Variants in PCSK5 observed in about 807,000 individuals in gnomAD.
PCSK5 encodes prohormone convertase 5.
In PCSK5, 129 loss-of-function variants were observed where a neutral mutation model predicts 233.2. That is an observed-to-expected ratio of 0.55 (90% CI 0.48 to 0.64). The LOEUF (loss-of-function observed/expected upper bound fraction) is 0.64, where lower values mean the gene tolerates loss of function less well. Ranked by LOEUF, PCSK5 falls within the 30% of genes least tolerant of loss-of-function variation. The pLI is 0.00. For synonymous variants in PCSK5, 825 were observed against 879.2 expected (o/e 0.94, Z 1.09); for missense variants, 2,076 against 2,430.1 (o/e 0.85, Z 3.06).
At chr9:76,129,252 C>CT (rs1486720857) in intron 9 of PCSK5, among the ~76,000 whole-genome samples, 7 of 113,434 alleles carry the variant, frequency 6.2e-5, no homozygotes, top group African/African-American at 2.1e-4. Flanking sequence ...TTTACATAAT[C>CT]TTTAAAAAAA....
At chr9:75,892,258 G>T (rs1378626722) in intron 1 of PCSK5, among the ~76,000 whole-genome samples, 3 of 152,226 alleles carry the variant, frequency 2.0e-5, no homozygotes, top group African/African-American at 7.2e-5. Flanking sequence ...CTAAGGTGAT[G>T]CTATGAGGAT....
intron 6 of PCSK5, among the ~76,000 whole-genome samples, chr9:76,068,605 C>T (rs931377074): frequency 3.3e-5 from 5 of 152,058 alleles, no homozygotes; most frequent in African/African-American, 7.2e-5. Context: ...GGCATGTATA[C>T]GTAAAAACTC....
Position 76,052,740 on chromosome 9 carries a change from G to A in PCSK5, c.633-15215G>A, listed in dbSNP as rs533233039. ...TCCTTCAAAGTCTTAACTCATTTCA[G>A]CATTAACTCAGAAGTTCACAGTTCA... On this transcript the variant is annotated intron_variant, in intron 5 of 37. Coordinates refer to ENST00000674117, the MANE Select transcript of PCSK5 (RefSeq NM_001372043.1). 6.1e-4 allele frequency among the ~76,000 whole-genome samples: 93 copies of A among 152,212 alleles called. 1 individual carries two copies. Among genetic ancestry groups the A allele is most frequent in the Non-Finnish European group, 1.1e-3 (74 of 68,016 alleles).
At chr9:76,197,635 C>T (rs967276740) in intron 20 of PCSK5, among the ~76,000 whole-genome samples, 2 of 152,162 alleles carry the variant, frequency 1.3e-5, no homozygotes, top group African/African-American at 4.8e-5. Context: ...CAATGGCAGA[C>T]GGCAATGTGT....
chr9:76,165,141 C>T (rs2131832209), intron 12 of PCSK5, among the ~76,000 whole-genome samples: 1 of 152,242 alleles, frequency 6.6e-6, no homozygotes. Flanking sequence ...AACTCAACTA[C>T]AGTGGAGCCA....
intron 1 of PCSK5, among the ~76,000 whole-genome samples, chr9:75,926,085 G>A (rs546193590): frequency 2.6e-5 from 4 of 152,244 alleles, no homozygotes; most frequent in South Asian, 4.1e-4. Context: ...ACACATTCCA[G>A]CTCCACATCA....
intron 9 of PCSK5, among the ~76,000 whole-genome samples, chr9:76,122,222 G>C (rs1237555951): frequency 1.3e-5 from 2 of 151,790 alleles, no homozygotes; most frequent in Admixed American, 1.3e-4. Flanking sequence ...GTCCAGTTTT[G>C]AGATTTATCA....
chr9:76,248,956 T>C (rs1042477851), intron 24 of PCSK5, among the ~76,000 whole-genome samples: 2 of 152,088 alleles, frequency 1.3e-5, no homozygotes, highest in Admixed American at 1.3e-4. Flanking sequence ...AGAGGTGGGG[T>C]CTAGCTATGT....
intron 21 of PCSK5, among the ~76,000 whole-genome samples, chr9:76,227,950 A>G (rs999320112): frequency 2.0e-5 from 3 of 151,282 alleles, no homozygotes; most frequent in Admixed American, 1.3e-4. Context: ...TTATTTCTAG[A>G]GTCAGTTCAA....
At chr9:76,038,243 T>C (rs898589894) in intron 5 of PCSK5, among the ~76,000 whole-genome samples, 1 of 152,182 alleles carries the variant, frequency 6.6e-6, no homozygotes, top group Non-Finnish European at 1.5e-5. Flanking sequence ...GGTTGTCACA[T>C]ATCCTTTTCT....
intron 1 of PCSK5, among the ~76,000 whole-genome samples, chr9:75,891,957 C>T (rs113456942): frequency 6.6e-6 from 1 of 151,978 alleles, no homozygotes; most frequent in African/African-American, 2.4e-5. Flanking sequence ...GGGGCCGGCC[C>T]CGGTGTGAGT....
chr9:76,308,802 G>A, intron 29 of PCSK5, 74 bp downstream of exon 29: 1 of 885,396 alleles, frequency 1.1e-6, no homozygotes, highest in Non-Finnish European at 1.9e-6. Context: ...TGGCATCTTG[G>A]TGTAAGGAGG....
intron 24 of PCSK5, among the ~76,000 whole-genome samples, chr9:76,258,069 C>A (rs1365495239): frequency 6.6e-6 from 1 of 152,094 alleles, no homozygotes; most frequent in African/African-American, 2.4e-5. Context: ...ACAGGGAGGG[C>A]CCTGGGGACA....
At chr9:76,228,821 T>C (rs1825980799) in intron 21 of PCSK5, among the ~76,000 whole-genome samples, 1 of 152,222 alleles carries the variant, frequency 6.6e-6, no homozygotes, top group Non-Finnish European at 1.5e-5. Context: ...TGCATTATGG[T>C]CATTTTGTCC....
rs1270857676 is a variant in PCSK5, at chr9:76,292,795, C to T, written c.3185+520C>T. ...AATCAAAAATGGCATGTTTCAATAT[C>T]GCCCCCTCTTCCTAGTCTAGCTTCC... is the stretch of plus-strand genomic sequence containing the variant. On this transcript the variant is annotated intron_variant, in intron 25 of 37. Coordinates refer to ENST00000674117, the MANE Select transcript of PCSK5 (RefSeq NM_001372043.1). 3.3e-5 allele frequency among the ~76,000 whole-genome samples: 5 copies of T among 152,244 alleles called. No homozygotes were observed. The East Asian group carries it at 5.8e-4, about 18-fold the overall frequency.
Position 76,358,761 on chromosome 9 carries a change from A to AT in PCSK5, c.5505dup (p.Glu1836Ter). ...CACCAGCTTTGAAGAGGATCAGGTG[A>AT]TTGAGTACAGGGATCGGGACTATGA... On this transcript the variant is annotated frameshift_variant, in exon 38 of 38. Coordinates refer to ENST00000674117, the MANE Select transcript of PCSK5 (RefSeq NM_001372043.1). LOFTEE classifies it high-confidence loss of function. 3.7e-6 allele frequency: 6 copies of AT among 1,612,928 alleles called. No homozygotes were observed. The highest frequency in any genetic ancestry group is 5.1e-6 in the Non-Finnish European group (6 of 1,179,892).
chr9:76,318,571 C>T (rs1363288989), intron 30 of PCSK5, among the ~76,000 whole-genome samples: 2 of 152,154 alleles, frequency 1.3e-5, no homozygotes, highest in East Asian at 3.8e-4. Flanking sequence ...TGTTCCCCCA[C>T]CAGTGAGTGA....
Position 76,184,660 on chromosome 9 carries a change from T to C in PCSK5, c.2198-13T>C, listed in dbSNP as rs1319552265. ...TGACCAACTGATTTACAACTTTCTC[T>C]TTTTTTTAACAGAGAAAAATCTTTG... On this transcript the variant is annotated splice_polypyrimidine_tract_variant and intron_variant, in intron 16 of 37. Coordinates refer to ENST00000674117, the MANE Select transcript of PCSK5 (RefSeq NM_001372043.1). 15 of 1,555,706 alleles carry C rather than the reference T, an allele frequency of 9.6e-6. No individual in the cohort carries two copies. Among genetic ancestry groups the C allele is most frequent in the African/African-American group, 1.4e-5 (1 of 73,434 alleles).
intron 1 of PCSK5, among the ~76,000 whole-genome samples, chr9:75,910,842 G>T (rs372824696): frequency 3.9e-5 from 6 of 152,204 alleles, no homozygotes; most frequent in Non-Finnish European, 8.8e-5. Context: ...CTTTAGTTGT[G>T]AGAGAACTGG....
Sources: allele counts gnomAD v4.1 joint callset (sites outside exome capture counted in the v4.1 genomes callset), GRCh38; gene constraint gnomAD v4.1.1; transcripts MANE v1.5; gene names NCBI Gene and HGNC (gene_info 2026-07-23, HGNC 2026-07-21).